Variants in KCNIP1 observed in about 807,000 individuals in gnomAD.
The protein encoded by KCNIP1 is potassium voltage-gated channel interacting protein 1, also known as A-type potassium channel modulatory protein KCNIP1.
KCNIP1 carries 18 observed loss-of-function variants against 33.0 expected under a neutral mutation model. The observed-to-expected ratio is 0.55, with a 90% confidence interval of 0.38 to 0.81. The LOEUF (loss-of-function observed/expected upper bound fraction) is 0.81, where lower values mean the gene tolerates loss of function less well. KCNIP1 is among the 30% of genes least tolerant of loss of function. The probability of loss-of-function intolerance (pLI) is 0.00; values close to 1 mark genes in which losing one functional copy is unlikely to be tolerated. For synonymous variants in KCNIP1, 93 were observed against 98.3 expected, an observed-to-expected ratio of 0.95 and a Z score of 0.32; for missense variants, 238 against 271.6, an observed-to-expected ratio of 0.88 and a Z score of 0.87.
At chr5:170,465,780 A>G (rs146078585) in intron 1 of KCNIP1, among the ~76,000 whole-genome samples, 2 of 152,350 alleles carry the variant, frequency 1.3e-5, no homozygotes, top group East Asian at 3.9e-4. Context: ...TTGCTAGTTA[A>G]GCAGGTGTTG....
upstream of KCNIP1, among the ~76,000 whole-genome samples, chr5:170,502,219 G>C (rs1757427876): frequency 6.6e-6 from 1 of 152,260 alleles, no homozygotes; most frequent in South Asian, 2.1e-4. Context: ...CAATGTGGTT[G>C]CACAGCAGTG....
intron 1 of KCNIP1, among the ~76,000 whole-genome samples, chr5:170,639,923 AG>A (rs774275672): frequency 6.6e-6 from 1 of 152,258 alleles, no homozygotes; most frequent in African/African-American, 2.4e-5. Flanking sequence ...TGGTGCCTAA[AG>A]GGCTGGTACA....
intron 1 of KCNIP1, among the ~76,000 whole-genome samples, chr5:170,585,254 C>A (rs1170967532): frequency 2.0e-5 from 3 of 152,152 alleles, no homozygotes; most frequent in Non-Finnish European, 1.5e-5. Flanking sequence ...CCTTAGAGAA[C>A]ACCTAAGCTG....
intron 1 of KCNIP1, among the ~76,000 whole-genome samples, chr5:170,550,594 A>G (rs1261845865): frequency 6.6e-6 from 1 of 151,418 alleles, no homozygotes; most frequent in African/African-American, 2.4e-5. Flanking sequence ...GATGGCAATG[A>G]TGATGATGAT....
intron 1 of KCNIP1, among the ~76,000 whole-genome samples, chr5:170,637,425 C>G (rs1458285432): frequency 6.6e-6 from 1 of 152,180 alleles, no homozygotes. Context: ...GTACACGCCT[C>G]TGCACAGAAC....
intron 1 of KCNIP1, among the ~76,000 whole-genome samples, chr5:170,580,841 T>C (rs1017900583): frequency 6.9e-5 from 10 of 143,888 alleles, no homozygotes; most frequent in Non-Finnish European, 1.3e-4. Context: ...TGCCAGCATA[T>C]AAGGAAAAGC....
chr5:170,556,115 C>T (rs543606801), intron 1 of KCNIP1, among the ~76,000 whole-genome samples: 7 of 152,306 alleles, frequency 4.6e-5, no homozygotes, highest in South Asian at 2.1e-4. Context: ...GAACCACGTC[C>T]GTACATTTCA....
At chr5:170,716,134 A>C (rs1342755884) in intron 1 of KCNIP1, among the ~76,000 whole-genome samples, 6 of 152,148 alleles carry the variant, frequency 3.9e-5, no homozygotes, top group Admixed American at 3.9e-4. Context: ...CAGCGTGGGC[A>C]CTCCTGTGAG....
intron 1 of KCNIP1, among the ~76,000 whole-genome samples, chr5:170,393,205 A>C (rs201981877): frequency 1.3e-5 from 2 of 152,202 alleles, no homozygotes; most frequent in East Asian, 3.8e-4. Context: ...AGGTTTCTTC[A>C]TGATGTCTGC....
chr5:170,365,067 T>A (rs1763620313), intron 1 of KCNIP1, among the ~76,000 whole-genome samples: 1 of 152,206 alleles, frequency 6.6e-6, no homozygotes, highest in Non-Finnish European at 1.5e-5. Context: ...GCTCATCCAC[T>A]AAGAGTCGAG....
chr5:170,516,658 C>T (rs986598594), intron 1 of KCNIP1, among the ~76,000 whole-genome samples: 1 of 152,314 alleles, frequency 6.6e-6, no homozygotes, highest in Non-Finnish European at 1.5e-5. Flanking sequence ...TCCATAACAG[C>T]TTAGAGCTGA....
At chr5:170,580,460 G>C (rs1757748779) in intron 1 of KCNIP1, among the ~76,000 whole-genome samples, 1 of 152,140 alleles carries the variant, frequency 6.6e-6, no homozygotes, top group Admixed American at 6.5e-5. Flanking sequence ...GAAGTCTTTT[G>C]TGCAAGGTCA....
intron 1 of KCNIP1, among the ~76,000 whole-genome samples, chr5:170,523,742 C>A (rs1443549294): frequency 1.3e-5 from 2 of 152,140 alleles, no homozygotes; most frequent in East Asian, 1.9e-4. Flanking sequence ...CAGGCATCTG[C>A]AAATGCATGC....
intron 1 of KCNIP1, among the ~76,000 whole-genome samples, chr5:170,691,764 A>G (rs1305205926): frequency 6.6e-6 from 1 of 152,136 alleles, no homozygotes; most frequent in Non-Finnish European, 1.5e-5. Flanking sequence ...CCAGGGAACC[A>G]GCAGGGTCCC....
At chr5:170,446,623 CTAT>C (rs770982047) in intron 1 of KCNIP1, among the ~76,000 whole-genome samples, 20 of 152,094 alleles carry the variant, frequency 1.3e-4, no homozygotes, top group Non-Finnish European at 2.5e-4. Context: ...GTATGCCCAG[CTAT>C]TTTTATTTAT....
intron 1 of KCNIP1, among the ~76,000 whole-genome samples, chr5:170,636,809 C>T (rs1379482945): frequency 1.3e-5 from 2 of 152,188 alleles, no homozygotes; most frequent in Non-Finnish European, 2.9e-5. Flanking sequence ...ACGAAGTGCT[C>T]TACCCACATT....
chr5:170,363,688 T>C (rs1763578695), intron 1 of KCNIP1, among the ~76,000 whole-genome samples: 2 of 152,226 alleles, frequency 1.3e-5, no homozygotes, highest in African/African-American at 4.8e-5. Context: ...TCCTTTCCTA[T>C]ATTTTTAACT....
intron 2 of KCNIP1, 95 bp downstream of exon 2, chr5:170,718,977 A>G (rs1204825317): frequency 1.3e-6 from 2 of 1,493,110 alleles, no homozygotes; most frequent in East Asian, 2.4e-5. Context: ...CGTTTCCCAT[A>G]TGTGAGGCTG....
At chr5:170,591,656 C>A (rs1758267656) in intron 1 of KCNIP1, among the ~76,000 whole-genome samples, 1 of 152,204 alleles carries the variant, frequency 6.6e-6, no homozygotes, top group Non-Finnish European at 1.5e-5. Flanking sequence ...TCTATCTCTA[C>A]AAATTTGACT....
Sources: allele counts gnomAD v4.1 joint callset (sites outside exome capture counted in the v4.1 genomes callset), GRCh38; gene constraint gnomAD v4.1.1; transcripts MANE v1.5; gene names NCBI Gene and HGNC (gene_info 2026-07-23, HGNC 2026-07-21).